Variants in MEIS1 observed in about 807,000 individuals in gnomAD.
The protein encoded by MEIS1 is homeobox protein Meis1.
Under a neutral mutation model 50.8 loss-of-function variants are expected in MEIS1, and 5 were observed. The ratio of observed to expected loss-of-function variants is 0.10; its 90% confidence interval spans 0.05 to 0.21. The LOEUF (loss-of-function observed/expected upper bound fraction) is 0.21. Ranked by LOEUF, MEIS1 falls within the 10% of genes least tolerant of loss-of-function variation. MEIS1 has a pLI of 1.00. For synonymous variants in MEIS1, 176 were observed against 179.3 expected, an observed-to-expected ratio of 0.98 and a Z score of 0.15; for missense variants, 318 against 517.3, an observed-to-expected ratio of 0.61 and a Z score of 3.74.
chr2:66,564,046 C>T (rs1010387203), intron 9 of MEIS1, among the ~76,000 whole-genome samples: 6 of 152,046 alleles, frequency 3.9e-5, no homozygotes, highest in Non-Finnish European at 7.4e-5. Flanking sequence ...AATTCAGTAA[C>T]GTTCTGAGAG....
intron 6 of MEIS1, among the ~76,000 whole-genome samples, chr2:66,456,249 C>CACACACACACACAT (rs1267199215): frequency 6.6e-6 from 1 of 152,056 alleles, no homozygotes; most frequent in African/African-American, 2.4e-5. Context: ...CACACACACA[C>CACACACACACACAT]ACACACACAC....
intron 7 of MEIS1, among the ~76,000 whole-genome samples, chr2:66,500,446 A>T (rs927929453): frequency 6.6e-6 from 1 of 152,050 alleles, no homozygotes; most frequent in African/African-American, 2.4e-5. Context: ...TTTTATTGAG[A>T]TGGAGTCTCG....
intron 7 of MEIS1, among the ~76,000 whole-genome samples, chr2:66,497,894 AATGTG>A (rs1450124906): frequency 3.9e-5 from 6 of 152,218 alleles, no homozygotes; most frequent in African/African-American, 1.4e-4. Flanking sequence ...CTGCCAGCTT[AATGTG>A]ATGGGACTAT....
chr2:66,468,189 G>C (rs6727352), intron 7 of MEIS1, among the ~76,000 whole-genome samples: 5 of 151,870 alleles, frequency 3.3e-5, no homozygotes, highest in African/African-American at 1.2e-4. Flanking sequence ...TGTGGCTTTC[G>C]TGTGTCTTTT....
At chr2:66,436,387 G>A (rs1015779718) in intron 1 of MEIS1, among the ~76,000 whole-genome samples, 12 of 152,072 alleles carry the variant, frequency 7.9e-5, no homozygotes, top group Admixed American at 6.5e-4. Context: ...TGTATACAAG[G>A]CAATATTTTG....
chr2:66,440,690 A>G, intron 4 of MEIS1, 78 bp downstream of exon 4: 2 of 855,040 alleles, frequency 2.3e-6, no homozygotes, highest in South Asian at 3.1e-5. Flanking sequence ...CTTTGCTTTG[A>G]GAGCCCTGAG....
rs139673644 is a variant in MEIS1 at position 66,498,018 on chromosome 2, G to GA, written c.743-14123dup. ...GTGGGGGAAGAAAAAGAAAACAATA[G>GA]AAAAAAAATGGTATGCCATGTTAGG... On this transcript the variant is annotated intron_variant, in intron 7 of 12. Coordinates refer to ENST00000272369, the MANE Select transcript of MEIS1 (RefSeq NM_002398.3). Among the ~76,000 whole-genome samples the GA allele has an allele frequency of 9.7e-4, 147 of 151,506 alleles. 1 individual carries two copies. The highest frequency in any genetic ancestry group is 6.8e-3 in the Middle Eastern group (2 of 294).
chr2:66,497,872 T>C (rs761048608), intron 7 of MEIS1, among the ~76,000 whole-genome samples: 22 of 152,332 alleles, frequency 1.4e-4, no homozygotes, highest in East Asian at 5.8e-4. Flanking sequence ...TGTATCCTCA[T>C]CCACCAATTG....
intron 7 of MEIS1, among the ~76,000 whole-genome samples, chr2:66,489,329 C>G (rs770369551): frequency 1.3e-4 from 20 of 152,176 alleles, no homozygotes; most frequent in Non-Finnish European, 2.5e-4. Context: ...ATAAATATCC[C>G]TCTTGGTACA....
At chr2:66,464,004 G>C in intron 6 of MEIS1, 105 bp from the exon 7 acceptor site, 1 of 762,426 alleles carries the variant, frequency 1.3e-6, no homozygotes, top group Non-Finnish European at 2.2e-6. Flanking sequence ...AGGTGGCATG[G>C]TTATGTGCTC....
At chr2:66,534,363 G>A (rs760680833) in intron 8 of MEIS1, among the ~76,000 whole-genome samples, 12 of 151,956 alleles carry the variant, frequency 7.9e-5, no homozygotes, top group African/African-American at 1.5e-4. Flanking sequence ...GTGAAACCCC[G>A]TCTCTACTCA....
chr2:66,539,366 A>G (rs910981401), intron 8 of MEIS1, among the ~76,000 whole-genome samples: 1 of 152,332 alleles, frequency 6.6e-6, no homozygotes, highest in Middle Eastern at 3.4e-3. Context: ...CGTTAAGATA[A>G]TAGTTTTTTT....
intron 7 of MEIS1, among the ~76,000 whole-genome samples, chr2:66,504,701 C>T (rs983679026): frequency 6.6e-6 from 1 of 152,152 alleles, no homozygotes; most frequent in African/African-American, 2.4e-5. Context: ...TAATCTACAG[C>T]CCCACCATTC....
In MEIS1 at chr2:66,443,186, T is replaced by C. The variant is rs7575667; in HGVS notation, c.630+138T>C. The C allele has an allele frequency of 2.4e-5, 25 of 1,045,546 alleles. No individual in the cohort carries two copies. In the African/African-American group the frequency reaches 4.2e-4, roughly 18 times the overall value. 64.8% of individuals were successfully genotyped at this position (1,045,546 alleles called of 1,614,324 possible). On this transcript the variant is annotated intron_variant, in intron 6 of 12. Coordinates refer to ENST00000272369, the MANE Select transcript of MEIS1 (RefSeq NM_002398.3). ...AGATACATTTCCATCGAAATGAAAA[T>C]TTTTGAATAATGTGGCTATTATTGC... is the stretch of plus-strand genomic sequence containing the variant.
intron 6 of MEIS1, among the ~76,000 whole-genome samples, chr2:66,461,156 C>T (rs980666115): frequency 6.6e-6 from 1 of 152,158 alleles, no homozygotes; most frequent in Non-Finnish European, 1.5e-5. Flanking sequence ...CAAGTGGCCC[C>T]AAGCAACTCA....
chr2:66,559,402 T>G (rs1354263022), intron 9 of MEIS1, among the ~76,000 whole-genome samples: 4 of 152,218 alleles, frequency 2.6e-5, no homozygotes, highest in African/African-American at 9.7e-5. Flanking sequence ...GATGACAAAT[T>G]ATCTGCTCAT....
chr2:66,555,016 A>G (rs1293123677), intron 9 of MEIS1, among the ~76,000 whole-genome samples: 1 of 152,172 alleles, frequency 6.6e-6, no homozygotes, highest in Non-Finnish European at 1.5e-5. Flanking sequence ...TAGGCTCGAA[A>G]TTTCTGAAGT....
At chr2:66,458,455 T>C (rs1672445079) in intron 6 of MEIS1, among the ~76,000 whole-genome samples, 1 of 152,184 alleles carries the variant, frequency 6.6e-6, no homozygotes, top group Non-Finnish European at 1.5e-5. Context: ...AGAAGGTCTA[T>C]ACACTGAATA....
At chr2:66,568,369 A>G (rs1675402229) in intron 10 of MEIS1, 1 of 294,962 alleles carries the variant, frequency 3.4e-6, no homozygotes, top group Non-Finnish European at 6.5e-6. Context: ...GAGGCAACAC[A>G]CATTTACTCC....
Sources: allele counts gnomAD v4.1 joint callset (sites outside exome capture counted in the v4.1 genomes callset), GRCh38; gene constraint gnomAD v4.1.1; transcripts MANE v1.5; gene names NCBI Gene and HGNC (gene_info 2026-07-23, HGNC 2026-07-21).